The following SAMD5 variants were observed in gnomAD, a reference collection of about 807,000 sequenced individuals.
The protein encoded by SAMD5 is sterile alpha motif domain containing 5, also known as sterile alpha motif domain-containing protein 5.
A neutral mutation model predicts 11.3 loss-of-function variants in SAMD5; 13 were observed. The ratio of observed to expected loss-of-function variants is 1.15; its 90% CI spans 0.75 to 1.83. The LOEUF (loss-of-function observed/expected upper bound fraction) is 1.83. Among genes scored for constraint, SAMD5 ranks in the 40% most tolerant of loss-of-function variants. The pLI is 0.00. For synonymous variants in SAMD5, 129 were observed against 111.3 expected, an observed-to-expected ratio of 1.16 and a Z score of -1.00; for missense variants, 255 against 239.1, an observed-to-expected ratio of 1.07 and a Z score of -0.44.
At chr6:147,536,850 T>C (rs1788518538) in intron 1 of SAMD5, among the ~76,000 whole-genome samples, 1 of 152,180 alleles carries the variant, frequency 6.6e-6, no homozygotes, top group South Asian at 2.1e-4. Flanking sequence ...CCAAACACCA[T>C]TCACTCTTTT....
chr6:147,610,622 TA>T (rs1252073745), intron 1 of SAMD5, among the ~76,000 whole-genome samples: 1 of 152,232 alleles, frequency 6.6e-6, no homozygotes, highest in African/African-American at 2.4e-5. Context: ...CTAGTTCTTT[TA>T]ATCAGACCTG....
chr6:147,809,418 T>C, the SAMD5 span, among the ~76,000 whole-genome samples: 8 of 152,258 alleles, frequency 5.3e-5, no homozygotes, highest in African/African-American at 1.2e-4. Context: ...AGCTGTACCT[T>C]TCAGCCATGG....
downstream of SAMD5, among the ~76,000 whole-genome samples, chr6:147,571,808 A>G (rs1449119138): frequency 6.6e-6 from 1 of 152,210 alleles, no homozygotes; most frequent in Non-Finnish European, 1.5e-5. Flanking sequence ...ATCCTTGCCT[A>G]TAAATCAGAA....
At chr6:147,869,588 T>C in the SAMD5 span, among the ~76,000 whole-genome samples, 1 of 152,168 alleles carries the variant, frequency 6.6e-6, no homozygotes. Context: ...AAGCCACATA[T>C]GGGATTTAAA....
At chr6:147,712,703 A>C (rs959455519) in intron 1 of SAMD5, among the ~76,000 whole-genome samples, 2 of 152,202 alleles carry the variant, frequency 1.3e-5, no homozygotes, top group African/African-American at 4.8e-5. Flanking sequence ...TGGAAAGGCT[A>C]TGGGAGCACA....
At chr6:147,838,537 C>A in the SAMD5 span, among the ~76,000 whole-genome samples, 27 of 144,824 alleles carry the variant, frequency 1.9e-4, no homozygotes, top group African/African-American at 6.2e-4. Flanking sequence ...TCCTGCCCCC[C>A]CCCCGTAGTT....
chr6:147,899,188 A>AG, the SAMD5 span, among the ~76,000 whole-genome samples: 4 of 150,856 alleles, frequency 2.7e-5, no homozygotes, highest in African/African-American at 4.9e-5. Context: ...AAAAAAAAAA[A>AG]AAAAAGATAA....
the SAMD5 span, among the ~76,000 whole-genome samples, chr6:147,909,614 T>TCTCTCTCTC: frequency 2.2e-3 from 173 of 77,302 alleles, 1 homozygote; most frequent in East Asian, 0.012. Flanking sequence ...CTTTCTTTCT[T>TCTCTCTCTC]TCTTTCTTTC....
chr6:147,612,161 C>T (rs1261562505), intron 1 of SAMD5, among the ~76,000 whole-genome samples: 1 of 152,124 alleles, frequency 6.6e-6, no homozygotes, highest in African/African-American at 2.4e-5. Flanking sequence ...CAGTTCCTAA[C>T]CCTTAACTCT....
At chr6:147,899,126 G>A in the SAMD5 span, among the ~76,000 whole-genome samples, 248 of 134,570 alleles carry the variant, frequency 1.8e-3, 1 homozygote, top group African/African-American at 6.6e-3. Context: ...AGCCAAGATC[G>A]CGCCACTGCA....
rs1562334282 is a variant in SAMD5 at position 147,616,188 on chromosome 6, T to TTTCATATATATTTATTCATATATAC, written c.162+106851_162+106875dup. 1.0e-4 allele frequency among the ~76,000 whole-genome samples: 11 copies of TTTCATATATATTTATTCATATATAC among 109,082 alleles called. 1 individual carries two copies. The highest frequency in any genetic ancestry group is 8.3e-4 in the South Asian group (3 of 3,608). The allele number at this position is 109,082 out of a possible 152,430, so 71.6% of individuals were successfully genotyped here. A position where few individuals can be genotyped will look rare whatever the true frequency, so the allele number is the denominator to read the frequency against. ...TTTCATATATATTTATTCATATATA[T>TTTCATATATATTTATTCATATATAC]TTCATATATATTTATTCATATATAC... On this transcript the variant is annotated intron_variant, in intron 1 of 1. Transcript: ENST00000566741.
the SAMD5 span, among the ~76,000 whole-genome samples, chr6:147,749,908 TAAAAC>T: frequency 3.2e-4 from 48 of 152,312 alleles, no homozygotes; most frequent in Middle Eastern, 3.4e-3. Context: ...TTTTCTTAAA[TAAAAC>T]CCGCTTATTT....
At chr6:147,906,810 A>G in the SAMD5 span, among the ~76,000 whole-genome samples, 1 of 152,210 alleles carries the variant, frequency 6.6e-6, no homozygotes, top group Non-Finnish European at 1.5e-5. Flanking sequence ...TGTCTGTATA[A>G]CACATTTCTT....
chr6:147,898,706 G>A, the SAMD5 span, among the ~76,000 whole-genome samples: 5 of 152,166 alleles, frequency 3.3e-5, no homozygotes, highest in South Asian at 1.0e-3. Context: ...GAGCCTTGCT[G>A]TATCACATTA....
chr6:147,886,962 G>A, the SAMD5 span, among the ~76,000 whole-genome samples: 3 of 152,180 alleles, frequency 2.0e-5, no homozygotes, highest in Non-Finnish European at 4.4e-5. Flanking sequence ...TGAGAATACA[G>A]CCTAGCTGAC....
chr6:147,847,776 C>T, the SAMD5 span, among the ~76,000 whole-genome samples: 1 of 152,138 alleles, frequency 6.6e-6, no homozygotes, highest in African/African-American at 2.4e-5. Flanking sequence ...TCGCTTGAAC[C>T]TGGGAGATAG....
At position 147,567,464 on chromosome 6, in the gene SAMD5, A is replaced by G. The variant is rs1004773583; in HGVS notation, c.*3008A>G. The G allele has an allele frequency of 1.0e-6, 1 of 982,602 alleles. No homozygotes were observed. The highest frequency in any genetic ancestry group is 1.7e-5 in the African/African-American group (1 of 57,198). The allele number at this position is 982,602 out of a possible 1,614,324, so 60.9% of individuals were successfully genotyped here. A position where few individuals can be genotyped will look rare whatever the true frequency, so the allele number is the denominator to read the frequency against. ...TGAATCTGTTAAGGATGTAAGCTAT[A>G]GTGTAGCTTGGGGAATCATCTTGAA... On this transcript the variant is annotated 3_prime_UTR_variant, in exon 2 of 2. Coordinates refer to ENST00000367474, the MANE Select transcript of SAMD5 (RefSeq NM_001030060.3).
the SAMD5 span, among the ~76,000 whole-genome samples, chr6:147,914,203 G>C: frequency 6.9e-6 from 1 of 144,980 alleles, no homozygotes; most frequent in Non-Finnish European, 1.5e-5. Context: ...GTTAGTGTTA[G>C]TGTATTTTAT....
chr6:147,643,481 G>T (rs189948556), intron 1 of SAMD5, among the ~76,000 whole-genome samples: 2 of 152,050 alleles, frequency 1.3e-5, no homozygotes, highest in Non-Finnish European at 2.9e-5. Context: ...AAAAGTGGCC[G>T]CCTGGTCTGA....
Sources: allele counts gnomAD v4.1 joint callset (sites outside exome capture counted in the v4.1 genomes callset), GRCh38; gene constraint gnomAD v4.1.1; transcripts MANE v1.5; gene names NCBI Gene and HGNC (gene_info 2026-07-23, HGNC 2026-07-21).